The following MTMR1 variants were observed in gnomAD, a reference collection of about 807,000 sequenced individuals.
MTMR1 encodes the protein myotubularin related protein 1.
In MTMR1, 17 loss-of-function variants were observed where a neutral mutation model predicts 51.6. The observed-to-expected ratio is 0.33, with a 90% CI of 0.23 to 0.49. The LOEUF (loss-of-function observed/expected upper bound fraction) is 0.49, where lower values mean the gene tolerates loss of function less well. Among genes scored for constraint, MTMR1 ranks in the 20% least tolerant of loss-of-function variants. The probability of loss-of-function intolerance (pLI) is 0.99; values close to 1 mark genes in which losing one functional copy is unlikely to be tolerated. For missense variants in MTMR1, 386 were observed against 526.9 expected, an observed-to-expected ratio of 0.73 and a Z score of 2.62; for synonymous variants, 201 against 205.6, an observed-to-expected ratio of 0.98 and a Z score of 0.19.
intron 9 of MTMR1, 71 bp downstream of exon 9, chrX:150,731,690 CA>C: frequency 2.1e-6 from 2 of 948,236 alleles, no homozygotes; most frequent in Non-Finnish European, 2.8e-6. Flanking sequence ...AGATTTAAGA[CA>C]AAAAAGAAAC....
At chrX:150,734,127 A>G (rs192731859) in intron 10 of MTMR1, among the ~76,000 whole-genome samples, 1,900 of 112,187 alleles carry the variant, frequency 0.017, 34 homozygotes, top group African/African-American at 0.057. Context: ...GCTTGCAGCC[A>G]CATCACTCCA....
intron 3 of MTMR1, among the ~76,000 whole-genome samples, chrX:150,715,331 G>A (rs1681983541): frequency 8.9e-6 from 1 of 112,459 alleles, no homozygotes; most frequent in African/African-American, 3.2e-5. Flanking sequence ...AATTCAGGGA[G>A]CTGGCAGACT....
At chrX:150,712,587 T>A in intron 3 of MTMR1, 1 of 387,398 alleles carries the variant, frequency 2.6e-6, no homozygotes, top group Non-Finnish European at 4.5e-6. Flanking sequence ...GAGGGCGGGA[T>A]GCTAAAATTG....
At chrX:150,712,424 C>G in intron 3 of MTMR1, 59 bp downstream of exon 3, 1 of 1,041,609 alleles carries the variant, frequency 9.6e-7, no homozygotes, top group African/African-American at 1.9e-5. Context: ...TGTGCTTTAT[C>G]GAACACTTAG....
chrX:150,757,754 T>A (rs903271728), intron 15 of MTMR1, among the ~76,000 whole-genome samples: 1 of 112,141 alleles, frequency 8.9e-6, no homozygotes. Flanking sequence ...GAGACTTGCA[T>A]CTGTGTCCCT....
At chrX:150,700,819 T>C (rs782755091) in intron 2 of MTMR1, among the ~76,000 whole-genome samples, 36 of 112,780 alleles carry the variant, frequency 3.2e-4, no homozygotes, top group Middle Eastern at 9.2e-3. Context: ...GTTGAATAGT[T>C]GTTAGTGTTG....
At chrX:150,710,612 C>T (rs1195773133) in intron 2 of MTMR1, among the ~76,000 whole-genome samples, 1 of 112,146 alleles carries the variant, frequency 8.9e-6, no homozygotes, top group Non-Finnish European at 1.9e-5. Flanking sequence ...CCACTTGCCT[C>T]GGCCTCCCAA....
rs781823123 is a variant in MTMR1, at chrX:150,736,720, G to A, written c.1206G>A (p.Ser402=). Residue 402 remains serine (S), a synonymous_variant, in exon 11 of 16, where the codon TCG becomes TCA. Coordinates refer to ENST00000445323, the MANE Select transcript of MTMR1 (RefSeq NM_001306144.3). ...LRKLKEIVYP[S]IDEARWLSNV... is the part of the protein sequence containing the mutation. ...AATTAAAAGAGATTGTGTACCCTTC[G>A]ATCGATGAGGCGCGGTGGCTCTCCA... The A allele has an allele frequency of 3.3e-6, 4 of 1,211,191 alleles. No individual in the cohort carries two copies. Among genetic ancestry groups the A allele is most frequent in the Middle Eastern group, 2.3e-4 (1 of 4,351 alleles).
chrX:150,757,144 T>C (rs1364430404), intron 15 of MTMR1, among the ~76,000 whole-genome samples: 3 of 112,599 alleles, frequency 2.7e-5, no homozygotes, highest in African/African-American at 9.7e-5. Flanking sequence ...CACACTCCAC[T>C]AGCCATGGGG....
chrX:150,746,419 C>G (rs2042577756), intron 13 of MTMR1, among the ~76,000 whole-genome samples: 2 of 111,957 alleles, frequency 1.8e-5, no homozygotes, highest in African/African-American at 6.5e-5. Context: ...TGGCCTGAAG[C>G]CTTACTGTTT....
chrX:150,725,089 G>GT (rs1397084443), intron 4 of MTMR1, among the ~76,000 whole-genome samples: 1 of 111,717 alleles, frequency 9.0e-6, no homozygotes, highest in Non-Finnish European at 1.9e-5. Flanking sequence ...TTTTTAAATA[G>GT]TTTTTTTCTA....
intron 2 of MTMR1, among the ~76,000 whole-genome samples, chrX:150,710,155 G>T (rs1192985528): frequency 1.8e-5 from 2 of 111,289 alleles, no homozygotes; most frequent in Non-Finnish European, 3.8e-5. Flanking sequence ...GTTTAGGGCT[G>T]TAGTTCAAAT....
chrX:150,729,888 G>A (rs2042058458), intron 6 of MTMR1, among the ~76,000 whole-genome samples: 2 of 111,334 alleles, frequency 1.8e-5, no homozygotes, highest in African/African-American at 6.5e-5. Flanking sequence ...TAGTGGTGGT[G>A]GGTGCCTGTA....
At position 150,744,429 on chromosome X, in the gene MTMR1, T is replaced by C; in HGVS notation, c.1542T>C (p.Asp514=). Residue 514 remains aspartate, a synonymous_variant, in exon 13 of 16, where the codon GAT becomes GAC. Transcript: ENST00000445323. ...CTCCCATATTTCTGCAGTTTGTTGA[T>C]TGTGTTTGGCAAATGACAAGGCAGG... ...DRSPIFLQFV[D]CVWQMTRQFP... is the part of the protein sequence containing the mutation. 1 of 1,210,611 alleles carries C rather than the reference T, an allele frequency of 8.3e-7. No homozygotes were observed. The highest frequency in any genetic ancestry group is 1.1e-6 in the Non-Finnish European group (1 of 894,316).
chrX:150,713,042 A>G (rs1557416281), intron 3 of MTMR1: 28 of 687,978 alleles, frequency 4.1e-5, no homozygotes, highest in Non-Finnish European at 5.2e-5. Flanking sequence ...GTGGATTTTG[A>G]TAGTATAATA....
At position 150,737,548 on chromosome X, in the gene MTMR1, G is replaced by A. The variant is rs782343049; in HGVS notation, c.1473+100G>A. On this transcript the variant is annotated intron_variant, in intron 12 of 15. Transcript: ENST00000445323. ...CGTAAGCGCATATATACACACACAC[G>A]TGCAGGCTTTCTCTTCTGTATCATA... The A allele has an allele frequency of 5.6e-5, 37 of 659,965 alleles. No homozygotes were observed. In the East Asian group the frequency reaches 6.2e-4, roughly 11 times the overall value. The allele number at this position is 659,965 out of a possible 1,213,427, so 54.4% of individuals were successfully genotyped here.
At chrX:150,720,996 T>G (rs782444475) in intron 4 of MTMR1, among the ~76,000 whole-genome samples, 2 of 111,604 alleles carry the variant, frequency 1.8e-5, no homozygotes, top group African/African-American at 6.5e-5. Context: ...TTGCTGTGAG[T>G]TTTCATCAGG....
At chrX:150,749,728 A>G (rs1441764258) in intron 13 of MTMR1, among the ~76,000 whole-genome samples, 1 of 112,527 alleles carries the variant, frequency 8.9e-6, no homozygotes, top group Admixed American at 9.4e-5. Context: ...TTGTTTTGTA[A>G]CATAGATTTT....
At chrX:150,748,356 A>G (rs1450713471) in intron 13 of MTMR1, among the ~76,000 whole-genome samples, 3 of 111,901 alleles carry the variant, frequency 2.7e-5, no homozygotes, top group Non-Finnish European at 5.6e-5. Context: ...AAAACCCTGG[A>G]TCTTTCATTC....
Sources: allele counts gnomAD v4.1 joint callset (sites outside exome capture counted in the v4.1 genomes callset), GRCh38; gene constraint gnomAD v4.1.1; transcripts MANE v1.5; gene names NCBI Gene and HGNC (gene_info 2026-07-23, HGNC 2026-07-21).